The following EPHA2 variants were observed in gnomAD, a reference collection of about 807,000 sequenced individuals.
EPHA2 encodes the protein EPH receptor A2, also known as ephrin type-A receptor 2.
A neutral mutation model predicts 104.9 loss-of-function variants in EPHA2; 54 were observed. That is an observed-to-expected ratio of 0.51 (90% CI 0.41 to 0.65). EPHA2 has a LOEUF of 0.65. EPHA2 is among the 30% of genes least tolerant of loss of function. The pLI, the probability that EPHA2 is intolerant of heterozygous loss-of-function variation, is 0.00. For synonymous variants in EPHA2, 560 were observed against 559.1 expected (o/e 1.00, Z -0.02); for missense variants, 1,117 against 1,369.5 (o/e 0.82, Z 2.91).
chr1:16,133,647 G>A, intron 9 of EPHA2, 41 bp from the exon 10 acceptor site: 1 of 1,612,442 alleles, frequency 6.2e-7, no homozygotes, highest in Non-Finnish European at 8.5e-7. Context: ...GCTCAGGAGG[G>A]GCCCCATGGG....
In EPHA2 at chr1:16,134,475, G is replaced by A. The variant is rs762560226; in HGVS notation, c.1675C>T (p.His559Tyr). Reference protein sequence around the residue: ...LVLAGVGFFIHRRRKNQRARQ... With the variant: ...LVLAGVGFFIYRRRKNQRARQ... Reference sequence around the variant, plus strand: ...GTATGGGCTCTGACGAACCTGCGGTGGATAAAGAAGCCAACTCCTGCCAGC... The same window carrying A: ...GTATGGGCTCTGACGAACCTGCGGTAGATAAAGAAGCCAACTCCTGCCAGC... The change falls in exon 8 of 17, where the codon CAC (histidine) becomes TAC (tyrosine). Residue 559 changes from histidine to tyrosine, a missense_variant. His to Tyr is a moderately conservative substitution (Grantham distance 83, BLOSUM62 2). Coordinates refer to ENST00000358432, the MANE Select transcript of EPHA2 (RefSeq NM_004431.5). The surrounding 1 kb of genome is among the most constrained non-coding windows in gnomAD (Gnocchi z 4.5). 28 of 1,613,980 alleles carry A rather than the reference G, an allele frequency of 1.7e-5. No individual in the cohort carries two copies. In the Admixed American group the frequency reaches 4.7e-4, roughly 27 times the overall value.
At chr1:16,127,356 G>A (rs954443084) in intron 16 of EPHA2, among the ~76,000 whole-genome samples, 12 of 152,156 alleles carry the variant, frequency 7.9e-5, no homozygotes, top group African/African-American at 2.4e-4. Context: ...CAACATCCAC[G>A]CCTTTCGTCA....
At chr1:16,136,693 GAAGAAGAAGAAGAAGAAGAA>G (rs1161679036) in intron 5 of EPHA2, among the ~76,000 whole-genome samples, 1,012 of 92,756 alleles carry the variant, frequency 0.011, 30 homozygotes, top group African/African-American at 0.089. Flanking sequence ...AGAAGAAGAG[GAAGAAGAAGAAGAAGAAGAA>G]AAGAAGAAGA....
At position 16,125,121 on chromosome 1, in the gene EPHA2, A is replaced by G. The variant is rs2024440041; in HGVS notation, c.*94T>C. 1 of 1,178,314 alleles carries G rather than the reference A, an allele frequency of 8.5e-7. No homozygotes were observed. The highest frequency in any genetic ancestry group is 1.2e-6 in the Non-Finnish European group (1 of 805,166). 73.0% of individuals were successfully genotyped at this position (1,178,314 alleles called of 1,614,324 possible). The stretch of plus-strand genomic sequence containing the variant: ...AGGGGGAGGAAAGAACTAGAAATAA[A>G]TAAAGTCCCCAGTGGCCCAGCATGG... On this transcript the variant is annotated 3_prime_UTR_variant, in exon 17 of 17. Coordinates refer to ENST00000358432, the MANE Select transcript of EPHA2 (RefSeq NM_004431.5). This position sits in a 1 kb window ranked among gnomAD's most constrained non-coding sequence, Gnocchi z 4.9.
In EPHA2 at chr1:16,129,562, G is replaced by C; in HGVS notation, c.2697C>G (p.Ser899Arg). 1 of 1,612,460 alleles carries C rather than the reference G, an allele frequency of 6.2e-7. No homozygotes were observed. The highest frequency in any genetic ancestry group is 8.5e-7 in the Non-Finnish European group (1 of 1,179,914). ...TGCGGAAGGGCACCCCCTCCGAGCCGCTCGTGCTGGGGAGCCGGATAGACA... is the reference window on the plus strand; with the variant it reads ...TGCGGAAGGGCACCCCCTCCGAGCCCCTCGTGCTGGGGAGCCGGATAGACA... The part of the protein sequence containing the change: ...PRVSIRLPST[S>R]GSEGVPFRTV... Residue 899 changes from serine (S) to arginine (R), a missense_variant, in exon 16 of 17, where the codon AGC becomes AGG. Around this residue, in one of 3 missense-constraint regions of EPHA2, gnomAD observed 340 missense variants for 480.5 expected, o/e 0.71. Coordinates refer to ENST00000358432, the MANE Select transcript of EPHA2 (RefSeq NM_004431.5).
intron 3 of EPHA2, among the ~76,000 whole-genome samples, chr1:16,144,794 C>T (rs1031883417): frequency 5.3e-5 from 8 of 150,670 alleles, no homozygotes; most frequent in African/African-American, 2.0e-4. Flanking sequence ...CTTCCTGTGC[C>T]AGGCCCCCGT....
At position 16,131,668 on chromosome 1, in the gene EPHA2, TA is replaced by T; in HGVS notation, c.2475+52del. 1 of 1,611,548 alleles carries T rather than the reference TA, an allele frequency of 6.2e-7. No homozygotes were observed. The highest frequency in any genetic ancestry group is 8.5e-7 in the Non-Finnish European group (1 of 1,178,982). On this transcript the variant is annotated intron_variant, in intron 14 of 16. Transcript: ENST00000358432. The surrounding 1 kb of genome is among the most constrained non-coding windows in gnomAD (Gnocchi z 5.2). The stretch of plus-strand genomic sequence containing the variant: ...CCCAGCCCCTGCAGTTTGAGATGAG[TA>T]AAGGGCTTGAGTTCAGGTCCGGACA...
rs770033530 is a variant in EPHA2 at position 16,133,499 on chromosome 1, G to T, written c.1846C>A (p.Gln616Lys). ...TEIHPSCVTR[Q>K]KVIGAGEFGE... ...ACCTCACCTGCTCCGATCACCTTCT[G>T]CCGAGTGACACAGGATGGATGGATC... The change falls in exon 10 of 17, where the codon CAG becomes AAG. Residue 616 changes from glutamine (Q) to lysine (K), a missense_variant. Physicochemically the swap from Gln to Lys is moderately conservative, Grantham distance 53. This residue lies in a region of EPHA2 where 113 missense variants were observed against 104.3 expected (regional missense o/e 1.08). Transcript: ENST00000358432. 1 of 1,614,108 alleles carries T rather than the reference G, an allele frequency of 6.2e-7. No individual in the cohort carries two copies. Among genetic ancestry groups the T allele is most frequent in the South Asian group, 1.1e-5 (1 of 91,080 alleles).
chr1:16,135,008 G>T lies in EPHA2; in HGVS notation c.1582+28C>A. 2.5e-6 allele frequency: 4 copies of T among 1,609,690 alleles called. No homozygotes were observed. Among genetic ancestry groups the T allele is most frequent in the East Asian group, 2.2e-5 (1 of 44,884 alleles). ...ATTGCTTGGTTCTGGGCCCTGGCCTGGTCCATGCCCAGGGTCCCCCAACTC... is the reference window on the plus strand; with the variant it reads ...ATTGCTTGGTTCTGGGCCCTGGCCTTGTCCATGCCCAGGGTCCCCCAACTC... On this transcript the variant is annotated intron_variant, in intron 7 of 16. Transcript: ENST00000358432. This position sits in a 1 kb window ranked among gnomAD's most constrained non-coding sequence, Gnocchi z 4.3.
In EPHA2 at chr1:16,150,327, C is replaced by T. The variant is rs552166299; in HGVS notation, c.153+569G>A. Among the ~76,000 whole-genome samples the T allele has an allele frequency of 1.1e-4, 17 of 152,302 alleles. No homozygotes were observed. In the South Asian group the frequency reaches 2.5e-3, roughly 22 times the overall value. On this transcript the variant is annotated intron_variant, in intron 2 of 16. Transcript: ENST00000358432. The surrounding 1 kb of genome is among the most constrained non-coding windows in gnomAD (Gnocchi z 4.8). ...AGACACACACAGCCAGGGGAAGAAC[C>T]CCCAGCCCCTGCCCCCATTCCTGGT...
At chr1:16,137,816 G>T in intron 5 of EPHA2, 37 bp downstream of exon 5, 2 of 1,611,508 alleles carry the variant, frequency 1.2e-6, no homozygotes, top group Non-Finnish European at 1.7e-6. Context: ...CACCTGGGCA[G>T]GCCCCATAGG....
chr1:16,132,417 A>C lies in EPHA2; in HGVS notation c.2076T>G (p.Thr692=). 6.2e-7 allele frequency: 1 copy of C among 1,614,032 alleles called. No individual in the cohort carries two copies. Among genetic ancestry groups the C allele is most frequent in the Non-Finnish European group, 8.5e-7 (1 of 1,180,004 alleles). Residue 692 remains threonine (T), a synonymous_variant, in exon 12 of 17, where the codon ACT becomes ACG. Transcript: ENST00000358432. ...CCAGGGCCCCATTCTCCATGTACTC[A>C]GTGATGATCATCATGGGCTTGTCTG... The part of the protein sequence containing the change: ...ISKYKPMMII[T]EYMENGALDK...
At chr1:16,142,039 G>T (rs938502348) in intron 3 of EPHA2, among the ~76,000 whole-genome samples, 12 of 152,084 alleles carry the variant, frequency 7.9e-5, no homozygotes, top group Non-Finnish European at 2.9e-5. Flanking sequence ...GGCATTCTAG[G>T]CGGGCAAGTG....
chr1:16,130,323 G>A lies in EPHA2; in HGVS notation c.2572C>T (p.Arg858Cys), dbSNP rs1372100828. Residue 858 changes from arginine to cysteine, a missense_variant, in exon 15 of 17, where the codon CGT (arginine) becomes TGT (cysteine). Arg to Cys is a radical substitution (Grantham distance 180). Coordinates refer to ENST00000358432, the MANE Select transcript of EPHA2 (RefSeq NM_004431.5). The surrounding 1 kb of genome is among the most constrained non-coding windows in gnomAD (Gnocchi z 4.5). ...QLMMQCWQQE[R>C]ARRPKFADIV... Reference sequence around the variant, plus strand: ...TCAGCGAACTTGGGGCGGCGGGCACGCTCCTGCTGCCAGCACTGCATCATG... The same window carrying A: ...TCAGCGAACTTGGGGCGGCGGGCACACTCCTGCTGCCAGCACTGCATCATG... 8 of 1,605,784 alleles carry A rather than the reference G, an allele frequency of 5.0e-6. No individual in the cohort carries two copies. The highest frequency in any genetic ancestry group is 1.3e-5 in the African/African-American group (1 of 74,940).
Position 16,136,713 on chromosome 1 carries a change from AAAGAAGAAGAAGAAGAAG to A in EPHA2, c.1313-961_1313-944del, listed in dbSNP as rs202150956. On this transcript the variant is annotated intron_variant, in intron 5 of 16. Coordinates refer to ENST00000358432, the MANE Select transcript of EPHA2 (RefSeq NM_004431.5). ...AAGAGGAAGAAGAAGAAGAAGAAGA[AAAGAAGAAGAAGAAGAAG>A]AAGAAGAAGAAGAAGAAGAAGAAGA... is the stretch of plus-strand genomic sequence containing the variant. Among the ~76,000 whole-genome samples, 222 of 102,734 alleles carry A rather than the reference AAAGAAGAAGAAGAAGAAG, an allele frequency of 2.2e-3. 1 individual carries two copies. Among genetic ancestry groups the A allele is most frequent in the Non-Finnish European group, 3.1e-3 (175 of 56,510 alleles). The allele number at this position is 102,734 out of a possible 152,430, so 67.4% of individuals were successfully genotyped here.
At position 16,132,446 on chromosome 1, in the gene EPHA2, G is replaced by T. The variant is rs774463742; in HGVS notation, c.2054-7C>A. On this transcript the variant is annotated splice_region_variant and splice_polypyrimidine_tract_variant and intron_variant, in intron 11 of 16. Coordinates refer to ENST00000358432, the MANE Select transcript of EPHA2 (RefSeq NM_004431.5). ...ATGATCATCATGGGCTTGTCTGTAG[G>T]GGGGTGGGCACAGGTGAGAGGTAAG... The T allele has an allele frequency of 6.2e-7, 1 of 1,613,676 alleles. No homozygotes were observed. The highest frequency in any genetic ancestry group is 1.7e-5 in the Admixed American group (1 of 60,010).
chr1:16,130,317 G>A lies in EPHA2; in HGVS notation c.2578C>T (p.Arg860Cys), dbSNP rs1057117169. 37 of 1,608,328 alleles carry A rather than the reference G, an allele frequency of 2.3e-5. No individual in the cohort carries two copies. Among genetic ancestry groups the A allele is most frequent in the Middle Eastern group, 1.6e-4 (1 of 6,064 alleles). Residue 860 changes from arginine to cysteine, a missense_variant, in exon 15 of 17, where the codon CGC becomes TGC. Transcript: ENST00000358432. The surrounding 1 kb of genome is among the most constrained non-coding windows in gnomAD (Gnocchi z 4.5). ...MMQCWQQERA[R>C]RPKFADIVSI... is the part of the protein sequence containing the mutation. The stretch of plus-strand genomic sequence containing the variant: ...ACGATGTCAGCGAACTTGGGGCGGC[G>A]GGCACGCTCCTGCTGCCAGCACTGC...
At chr1:16,154,373 T>G (rs1401776127) in intron 1 of EPHA2, among the ~76,000 whole-genome samples, 2 of 152,066 alleles carry the variant, frequency 1.3e-5, no homozygotes, top group African/African-American at 4.8e-5. Context: ...CCCCAACACC[T>G]GCCACTGCCC....
Position 16,134,529 on chromosome 1 carries a change from C to G in EPHA2, c.1621G>C (p.Val541Leu). ...AGAAGCAGGACCACACCGACAGCCACGCCGCCAATCACCGCCAAGTTGCCA... is the reference window on the plus strand; with the variant it reads ...AGAAGCAGGACCACACCGACAGCCAGGCCGCCAATCACCGCCAAGTTGCCA... ...GSGNLAVIGGVAVGVVLLLVL... is the reference protein window; with the variant it reads ...GSGNLAVIGGLAVGVVLLLVL... Residue 541 changes from valine (V) to leucine (L), a missense_variant, in exon 8 of 17, where the codon GTG becomes CTG. Physicochemically the swap from Val to Leu is conservative, Grantham distance 32. This residue lies in a region of EPHA2 where 664 missense variants were observed against 784.8 expected (regional missense o/e 0.85). Coordinates refer to ENST00000358432, the MANE Select transcript of EPHA2 (RefSeq NM_004431.5). The surrounding 1 kb of genome is among the most constrained non-coding windows in gnomAD (Gnocchi z 4.5). The G allele has an allele frequency of 6.2e-7, 1 of 1,614,116 alleles. No individual in the cohort carries two copies. Among genetic ancestry groups the G allele is most frequent in the Non-Finnish European group, 8.5e-7 (1 of 1,180,022 alleles).
Sources: gnomAD v4.1 joint callset for allele counts (sites outside exome capture counted in the v4.1 genomes callset) on GRCh38, gnomAD v4.1.1 for gene constraint, gnomAD v4.1.1 regional missense constraint, Gnocchi (gnomAD v3.1) non-coding constraint, MANE v1.5 for transcripts, NCBI Gene and HGNC (gene_info 2026-07-23, HGNC 2026-07-21) for gene names.